The following TMEFF1 variants were observed in gnomAD, a reference collection of about 807,000 sequenced individuals.
The protein encoded by TMEFF1 is transmembrane protein with EGF like and two follistatin like domains 1, also known as tomoregulin-1.
A neutral mutation model predicts 47.5 loss-of-function variants in TMEFF1; 20 were observed. The ratio of observed to expected loss-of-function variants is 0.42; its 90% CI spans 0.30 to 0.61. The LOEUF (loss-of-function observed/expected upper bound fraction) is 0.61. Ranked by LOEUF, TMEFF1 falls within the 20% of genes least tolerant of loss-of-function variation. The probability of loss-of-function intolerance (pLI) is 0.19; values close to 1 mark genes in which losing one functional copy is unlikely to be tolerated. For synonymous variants in TMEFF1, 162 were observed against 166.3 expected, an observed-to-expected ratio of 0.97 and a Z score of 0.20; for missense variants, 411 against 471.1, an observed-to-expected ratio of 0.87 and a Z score of 1.18.
intron 5 of TMEFF1, among the ~76,000 whole-genome samples, chr9:100,529,579 C>T (rs1838336882): frequency 6.6e-6 from 1 of 151,784 alleles, no homozygotes. Context: ...CAGGAGCACC[C>T]AGATTCATAA....
At chr9:100,482,496 C>T (rs1333370558) in intron 1 of TMEFF1, among the ~76,000 whole-genome samples, 2 of 152,208 alleles carry the variant, frequency 1.3e-5, no homozygotes, top group Non-Finnish European at 2.9e-5. Context: ...CCACTCTGGC[C>T]TGCATTCTCT....
chr9:100,559,630 A>G (rs1838978286), intron 7 of TMEFF1, among the ~76,000 whole-genome samples: 1 of 150,642 alleles, frequency 6.6e-6, no homozygotes, highest in Non-Finnish European at 1.5e-5. Context: ...ACTTGTTTCT[A>G]TTTACTTTTT....
At chr9:100,478,757 CCTT>C (rs1261448729) in intron 1 of TMEFF1, among the ~76,000 whole-genome samples, 4 of 152,006 alleles carry the variant, frequency 2.6e-5, no homozygotes, top group African/African-American at 9.7e-5. Flanking sequence ...GACCAGGTAA[CCTT>C]AGACTGACTG....
chr9:100,524,240 G>A (rs941076474), intron 5 of TMEFF1, among the ~76,000 whole-genome samples: 2 of 151,772 alleles, frequency 1.3e-5, no homozygotes, highest in African/African-American at 2.4e-5. Flanking sequence ...GTATACAAAA[G>A]TGTTTAAACA....
chr9:100,481,147 A>C (rs1837331398), intron 1 of TMEFF1, among the ~76,000 whole-genome samples: 1 of 152,100 alleles, frequency 6.6e-6, no homozygotes, highest in African/African-American at 2.4e-5. Flanking sequence ...TTCCATCCAC[A>C]ATGTCTCTCT....
intron 7 of TMEFF1, among the ~76,000 whole-genome samples, chr9:100,553,539 G>A (rs140708110): frequency 6.8e-4 from 104 of 152,186 alleles, no homozygotes; most frequent in African/African-American, 2.4e-3. Context: ...GTGAAATGGA[G>A]CATTTGTATG....
At position 100,573,816 on chromosome 9, in the gene TMEFF1, A is replaced by G. The variant is rs184064957; in HGVS notation, c.1058+1140A>G. ...TTCATAACACCTAGGCATGAAAGTC[A>G]GTGCGCTTTATTTCACAGAACAGAT... On this transcript the variant is annotated intron_variant, in intron 9 of 9. Transcript: ENST00000374879. Among the ~76,000 whole-genome samples the G allele has an allele frequency of 7.2e-5, 11 of 152,392 alleles. No individual in the cohort carries two copies. In the East Asian group the frequency reaches 1.7e-3, roughly 24 times the overall value.
At chr9:100,520,674 TAC>T (rs1838146332) in intron 5 of TMEFF1, among the ~76,000 whole-genome samples, 1 of 152,240 alleles carries the variant, frequency 6.6e-6, no homozygotes, top group South Asian at 2.1e-4. Context: ...TGTAGTATAT[TAC>T]AGTTTTCAGA....
At chr9:100,520,575 A>G (rs1308742789) in intron 5 of TMEFF1, among the ~76,000 whole-genome samples, 1 of 152,232 alleles carries the variant, frequency 6.6e-6, no homozygotes, top group East Asian at 1.9e-4. Flanking sequence ...AGCCATTTAA[A>G]TAGAAATTGA....
chr9:100,526,587 TAA>T (rs1459975630), intron 5 of TMEFF1, among the ~76,000 whole-genome samples: 2 of 152,172 alleles, frequency 1.3e-5, no homozygotes, highest in Non-Finnish European at 1.5e-5. Flanking sequence ...TTTACTTTTA[TAA>T]AGATTGCAGT....
intron 1 of TMEFF1, among the ~76,000 whole-genome samples, chr9:100,474,247 G>T (rs1279171143): frequency 1.3e-5 from 2 of 151,894 alleles, no homozygotes; most frequent in Middle Eastern, 3.4e-3. Flanking sequence ...AGGCACTGGG[G>T]GTCTCGGGGG....
intron 3 of TMEFF1, among the ~76,000 whole-genome samples, chr9:100,509,793 G>A (rs1287127839): frequency 6.6e-6 from 1 of 151,312 alleles, no homozygotes; most frequent in East Asian, 1.9e-4. Flanking sequence ...AAAAAAAAAG[G>A]TGAGGAATTT....
At chr9:100,541,375 CTT>C (rs1220537806) in intron 5 of TMEFF1, among the ~76,000 whole-genome samples, 3 of 97,668 alleles carry the variant, frequency 3.1e-5, no homozygotes, top group Admixed American at 1.1e-4. Flanking sequence ...TTCTTTCTTT[CTT>C]TTTTTTTTTT....
chr9:100,520,044 T>C (rs948603508), intron 5 of TMEFF1, among the ~76,000 whole-genome samples: 1 of 152,216 alleles, frequency 6.6e-6, no homozygotes, highest in Non-Finnish European at 1.5e-5. Flanking sequence ...TAAATTGACT[T>C]CATAATCCAC....
chr9:100,492,392 A>G (rs1487226581), intron 1 of TMEFF1, among the ~76,000 whole-genome samples: 2 of 152,256 alleles, frequency 1.3e-5, no homozygotes, highest in Non-Finnish European at 2.9e-5. Context: ...TTGAAATCAC[A>G]TAATTGTAGT....
At chr9:100,546,311 G>A (rs571816286) in intron 5 of TMEFF1, among the ~76,000 whole-genome samples, 1 of 152,232 alleles carries the variant, frequency 6.6e-6, no homozygotes, top group African/African-American at 2.4e-5. Flanking sequence ...TACGTGGATG[G>A]CAGCAGGCAA....
intron 7 of TMEFF1, among the ~76,000 whole-genome samples, chr9:100,552,624 T>C (rs1486532999): frequency 6.6e-6 from 1 of 152,226 alleles, no homozygotes; most frequent in Non-Finnish European, 1.5e-5. Context: ...TTGTCTGTTA[T>C]AATAGCTACT....
intron 8 of TMEFF1, among the ~76,000 whole-genome samples, chr9:100,565,949 C>T (rs1056950773): frequency 6.6e-6 from 1 of 152,178 alleles, no homozygotes; most frequent in Admixed American, 6.5e-5. Context: ...CTCACCCCAA[C>T]AAACTTTTGT....
intron 5 of TMEFF1, among the ~76,000 whole-genome samples, chr9:100,517,076 C>G (rs1490675015): frequency 6.6e-6 from 1 of 152,148 alleles, no homozygotes; most frequent in Non-Finnish European, 1.5e-5. Context: ...CACTCATGTT[C>G]AGCCTTCATT....
Sources: gnomAD v4.1 joint callset for allele counts (sites outside exome capture counted in the v4.1 genomes callset) on GRCh38, gnomAD v4.1.1 for gene constraint, MANE v1.5 for transcripts, NCBI Gene and HGNC (gene_info 2026-07-23, HGNC 2026-07-21) for gene names.